Variants in ARHGAP32 observed in about 807,000 individuals in gnomAD.
The protein encoded by ARHGAP32 is rho GTPase-activating protein 32.
A neutral mutation model predicts 186.5 loss-of-function variants in ARHGAP32; 51 were observed. The observed-to-expected ratio is 0.27, with a 90% CI of 0.22 to 0.35. The LOEUF (loss-of-function observed/expected upper bound fraction) is 0.35, where lower values mean the gene tolerates loss of function less well. ARHGAP32 is among the 10% of genes least tolerant of loss of function. ARHGAP32 has a pLI of 1.00. For synonymous variants in ARHGAP32, 950 were observed against 964.3 expected (o/e 0.99, Z 0.27); for missense variants, 2,186 against 2,623.5 (o/e 0.83, Z 3.64).
intron 6 of ARHGAP32, among the ~76,000 whole-genome samples, chr11:129,070,864 T>C (rs1940845380): frequency 6.6e-6 from 1 of 152,020 alleles, no homozygotes; most frequent in Admixed American, 6.6e-5. Flanking sequence ...CTTCTTTCAT[T>C]TGCCTTTTAT....
At chr11:129,103,262 A>AT (rs1055532828) in intron 5 of ARHGAP32, among the ~76,000 whole-genome samples, 4 of 152,186 alleles carry the variant, frequency 2.6e-5, no homozygotes, top group Non-Finnish European at 5.9e-5. Flanking sequence ...GCGAAAAATG[A>AT]TTTTTTGTAT....
chr11:129,168,128 C>A (rs1256421558), intron 1 of ARHGAP32, among the ~76,000 whole-genome samples: 2 of 152,058 alleles, frequency 1.3e-5, no homozygotes, highest in Non-Finnish European at 2.9e-5. Flanking sequence ...CACCTGTGGT[C>A]CCAGCTTCTC....
chr11:129,050,785 C>G (rs917699610), intron 10 of ARHGAP32, among the ~76,000 whole-genome samples: 1 of 152,124 alleles, frequency 6.6e-6, no homozygotes, highest in Non-Finnish European at 1.5e-5. Flanking sequence ...TAATGCTATC[C>G]GTTCCCTAGT....
At chr11:129,151,545 T>C (rs1473774395) in intron 2 of ARHGAP32, among the ~76,000 whole-genome samples, 1 of 152,034 alleles carries the variant, frequency 6.6e-6, no homozygotes, top group East Asian at 1.9e-4. Context: ...AAAACAAAGC[T>C]GGAAATTAAC....
chr11:129,013,243 C>G (rs1314284939), intron 11 of ARHGAP32, among the ~76,000 whole-genome samples: 1 of 152,224 alleles, frequency 6.6e-6, no homozygotes, highest in Middle Eastern at 3.2e-3. Context: ...GGAAACTGTG[C>G]TGACATACGT....
intron 5 of ARHGAP32, among the ~76,000 whole-genome samples, chr11:129,113,595 T>C (rs1208664351): frequency 6.6e-6 from 1 of 152,068 alleles, no homozygotes; most frequent in Admixed American, 6.6e-5. Context: ...GCATGGTTCA[T>C]CTGCAAGTTT....
chr11:129,275,346 C>A (rs1735241424), intron 1 of ARHGAP32, among the ~76,000 whole-genome samples: 1 of 152,146 alleles, frequency 6.6e-6, no homozygotes, highest in African/African-American at 2.4e-5. Context: ...TCACTACAAC[C>A]TTCCAAGGTA....
At chr11:129,116,144 G>A (rs1371593056) in intron 5 of ARHGAP32, among the ~76,000 whole-genome samples, 1 of 152,044 alleles carries the variant, frequency 6.6e-6, no homozygotes, top group East Asian at 1.9e-4. Context: ...GAGAAAGAGA[G>A]AGTGAGAATG....
chr11:129,263,474 T>G (rs375048054), intron 1 of ARHGAP32, among the ~76,000 whole-genome samples: 1 of 151,472 alleles, frequency 6.6e-6, no homozygotes, highest in African/African-American at 2.4e-5. Flanking sequence ...TATGAAAAAA[T>G]GCTCACCATC....
At chr11:129,240,346 G>C (rs1361270860) in intron 1 of ARHGAP32, among the ~76,000 whole-genome samples, 1 of 151,958 alleles carries the variant, frequency 6.6e-6, no homozygotes, top group African/African-American at 2.4e-5. Context: ...TGGTCAAACT[G>C]AACTACTTGC....
At chr11:129,011,065 G>C (rs745499487) in intron 11 of ARHGAP32, among the ~76,000 whole-genome samples, 1 of 152,190 alleles carries the variant, frequency 6.6e-6, no homozygotes, top group Admixed American at 6.5e-5. Context: ...TGGGGAACAG[G>C]AGAGACAAGG....
At chr11:129,030,095 G>A (rs570005935) in intron 11 of ARHGAP32, among the ~76,000 whole-genome samples, 17 of 152,240 alleles carry the variant, frequency 1.1e-4, no homozygotes, top group Admixed American at 8.5e-4. Flanking sequence ...TCTTTCATCA[G>A]TGCCTCTGAA....
chr11:129,055,101 T>C (rs907620146), intron 10 of ARHGAP32, among the ~76,000 whole-genome samples: 6 of 152,200 alleles, frequency 3.9e-5, no homozygotes, highest in Non-Finnish European at 8.8e-5. Flanking sequence ...TATTTAAACA[T>C]AGCCTCCTTT....
intron 1 of ARHGAP32, among the ~76,000 whole-genome samples, chr11:129,188,157 T>C (rs560645327): frequency 1.3e-5 from 2 of 152,186 alleles, no homozygotes; most frequent in African/African-American, 2.4e-5. Flanking sequence ...GGTTTCACCA[T>C]GTTGGCCAGG....
intron 11 of ARHGAP32, among the ~76,000 whole-genome samples, chr11:128,999,489 G>C (rs980923453): frequency 2.0e-5 from 3 of 152,002 alleles, no homozygotes; most frequent in African/African-American, 7.3e-5. Flanking sequence ...ATGTTTTATT[G>C]CCTTGTGAAG....
intron 6 of ARHGAP32, among the ~76,000 whole-genome samples, chr11:129,087,335 G>A (rs1941437728): frequency 6.6e-6 from 1 of 152,200 alleles, no homozygotes; most frequent in Admixed American, 6.5e-5. Flanking sequence ...AAACCTAGAA[G>A]CAACTGAGAT....
chr11:129,220,766 G>C (rs1038382345), intron 1 of ARHGAP32, among the ~76,000 whole-genome samples: 2 of 152,158 alleles, frequency 1.3e-5, no homozygotes, highest in African/African-American at 4.8e-5. Flanking sequence ...TTACATTAAA[G>C]CCTAGTAACT....
rs1346654751 is a variant in ARHGAP32, at chr11:128,974,149, A to C, written c.3048T>G (p.Ala1016=). 1 of 1,614,172 alleles carries C rather than the reference A, an allele frequency of 6.2e-7. No homozygotes were observed. Among genetic ancestry groups the C allele is most frequent in the Non-Finnish European group, 8.5e-7 (1 of 1,180,026 alleles). Residue 1016 remains alanine, a synonymous_variant, in exon 21 of 23, where the codon GCT becomes GCG. Transcript: ENST00000682385. ...DQSVSSSQSK[A]VASGQTQTGA... is the part of the protein sequence containing the mutation. ...CTGTCTGAGTCTGTCCAGAAGCTAC[A>C]GCCTTACTCTGACTGCTTGAGACAG... is the stretch of plus-strand genomic sequence containing the variant.
chr11:129,038,888 G>GAAAAAA (rs56810685), intron 11 of ARHGAP32, among the ~76,000 whole-genome samples: 167 of 91,934 alleles, frequency 1.8e-3, no homozygotes, highest in Middle Eastern at 6.3e-3. Context: ...ACCCTGTCTC[G>GAAAAAA]AAAAAAAAAA....
Sources: gnomAD v4.1 joint callset for allele counts (sites outside exome capture counted in the v4.1 genomes callset) on GRCh38, gnomAD v4.1.1 for gene constraint, MANE v1.5 for transcripts, NCBI Gene and HGNC (gene_info 2026-07-23, HGNC 2026-07-21) for gene names.